Variants in ZFPM1 observed in about 807,000 individuals in gnomAD.
ZFPM1 encodes the protein zinc finger protein, FOG family member 1.
In ZFPM1, 28 loss-of-function variants were observed where a neutral mutation model predicts 46.3. The ratio of observed to expected loss-of-function variants is 0.60; its 90% CI spans 0.45 to 0.83. The LOEUF (loss-of-function observed/expected upper bound fraction) is 0.83. Among genes scored for constraint, ZFPM1 ranks in the 40% least tolerant of loss-of-function variants. The pLI, the probability that ZFPM1 is intolerant of heterozygous loss-of-function variation, is 0.00. For missense variants in ZFPM1, 1,878 were observed against 1,432.4 expected (o/e 1.31, Z -5.02); for synonymous variants, 957 against 675.9 (o/e 1.42, Z -6.45).
chr16:88,536,054 C>G lies in ZFPM1; in HGVS notation c.*1075C>G, dbSNP rs1271258058. 1 of 152,198 alleles carries G rather than the reference C, an allele frequency of 6.6e-6. No homozygotes were observed. Among genetic ancestry groups the G allele is most frequent in the Non-Finnish European group, 1.5e-5 (1 of 68,048 alleles). 9.4% of individuals were successfully genotyped at this position (152,198 alleles called of 1,614,324 possible). On this transcript the variant is annotated 3_prime_UTR_variant, in exon 10 of 10. Coordinates refer to ENST00000319555, the MANE Select transcript of ZFPM1 (RefSeq NM_153813.3). ...CATTGCAGCCTTGACCTCGTGAGCT[C>G]AAGTGATCTTCCCACCTCAGTTTCC...
At chr16:88,461,107 C>CTGGTGAGGACCAAGGGGCAGAAGGT in intron 1 of ZFPM1, among the ~76,000 whole-genome samples, 1 of 81,942 alleles carries the variant, frequency 1.2e-5, no homozygotes, top group African/African-American at 7.9e-5. Flanking sequence ...GGCAGGAGGC[C>CTGGTGAGGACCAAGGGGCAGAAGGT]CTGGTGAGGA....
Position 88,500,686 on chromosome 16 carries a change from C to T in ZFPM1, c.268+11533C>T, listed in dbSNP as rs985099854. 3.9e-5 allele frequency among the ~76,000 whole-genome samples: 6 copies of T among 152,246 alleles called. 1 individual carries two copies. Among genetic ancestry groups the T allele is most frequent in the African/African-American group, 7.2e-5 (3 of 41,464 alleles). On this transcript the variant is annotated intron_variant, in intron 3 of 9. Transcript: ENST00000319555. ...AGCTTCCAGGTGTCACCTCTCTCAC[C>T]GCAGACCTGGGGCCTGTTGTGCCCT...
At chr16:88,508,971 A>G (rs1449596350) in intron 3 of ZFPM1, among the ~76,000 whole-genome samples, 1 of 152,192 alleles carries the variant, frequency 6.6e-6, no homozygotes, top group African/African-American at 2.4e-5. Flanking sequence ...CATCGTGGAC[A>G]GAGGGGCCGG....
At chr16:88,485,579 A>G (rs954137573) in intron 1 of ZFPM1, among the ~76,000 whole-genome samples, 2 of 151,936 alleles carry the variant, frequency 1.3e-5, no homozygotes, top group African/African-American at 2.4e-5. Flanking sequence ...AGCTGGGACT[A>G]CAGGTGTGCG....
chr16:88,515,439 T>C (rs1220456360), intron 4 of ZFPM1, among the ~76,000 whole-genome samples: 1 of 152,236 alleles, frequency 6.6e-6, no homozygotes, highest in Non-Finnish European at 1.5e-5. Flanking sequence ...CCTCAGCCTT[T>C]GGGACCTTGG....
chr16:88,518,453 TGGTGGGTGGATG>T (rs922402902), intron 4 of ZFPM1, among the ~76,000 whole-genome samples: 2 of 146,992 alleles, frequency 1.4e-5, no homozygotes, highest in African/African-American at 5.1e-5. Context: ...GATAGATGGA[TGGTGGGTGGATG>T]GGTGGGTAGA....
rs974733355 is a variant in ZFPM1, at chr16:88,532,509, G to A, written c.947-105G>A. On this transcript the variant is annotated intron_variant, in intron 7 of 9. Transcript: ENST00000319555. ...GGGTTTAAAGACCCTTCAGCACAGG[G>A]TCCCCCGGCACAGATCACGGCCCTG... The A allele has an allele frequency of 1.3e-5, 16 of 1,221,742 alleles. No homozygotes were observed. The Admixed American group carries it at 3.2e-4, about 25-fold the overall frequency. The allele number at this position is 1,221,742 out of a possible 1,614,324, so 75.7% of individuals were successfully genotyped here. A position where few individuals can be genotyped will look rare whatever the true frequency, so the allele number is the denominator to read the frequency against.
intron 4 of ZFPM1, among the ~76,000 whole-genome samples, chr16:88,517,685 G>A (rs1185406467): frequency 6.7e-6 from 1 of 150,100 alleles, no homozygotes; most frequent in African/African-American, 2.4e-5. Context: ...TGGATGGATG[G>A]ATAGATGTAT....
chr16:88,480,905 G>T lies in ZFPM1; in HGVS notation c.41-5034G>T, dbSNP rs781524882. 6.6e-6 allele frequency among the ~76,000 whole-genome samples: 1 copy of T among 152,258 alleles called. No individual in the cohort carries two copies. The highest frequency in any genetic ancestry group is 1.5e-5 in the Non-Finnish European group (1 of 68,048). On this transcript the variant is annotated intron_variant, in intron 1 of 9. Transcript: ENST00000319555. This position sits in a 1 kb window ranked among gnomAD's most constrained non-coding sequence, Gnocchi z 4.9. ...CCCCCAGCGCCTCGCCATCAAAGCC[G>T]GGAGGGGCCACCTTAATCGTCGGTG...
intron 3 of ZFPM1, among the ~76,000 whole-genome samples, chr16:88,503,842 G>A (rs1159140786): frequency 1.3e-5 from 2 of 152,136 alleles, no homozygotes; most frequent in African/African-American, 4.8e-5. Flanking sequence ...CGAGGCCTCA[G>A]TCTCCCCCTG....
In ZFPM1 at chr16:88,528,071, C is replaced by T. The variant is rs1285270332; in HGVS notation, c.545C>T (p.Ala182Val). 3.8e-6 allele frequency: 6 copies of T among 1,563,294 alleles called. No individual in the cohort carries two copies. Among genetic ancestry groups the T allele is most frequent in the African/African-American group, 2.7e-5 (2 of 73,670 alleles). The stretch of plus-strand genomic sequence containing the variant: ...TGCAGGGTCACCAAGCCGGTGCCTG[C>T]GGGGGGACTCCTGAGCGTGCTCCTC... The part of the protein sequence containing the change: ...LWCRVTKPVP[A>V]GGLLSVLLTA... The change falls in exon 6 of 10, where the codon GCG (alanine) becomes GTG (valine). Residue 182 changes from alanine (A) to valine (V), a missense_variant. Physicochemically the swap from Ala to Val is moderately conservative, Grantham distance 64. Coordinates refer to ENST00000319555, the MANE Select transcript of ZFPM1 (RefSeq NM_153813.3).
At chr16:88,486,349 C>T (rs1909223194) in intron 2 of ZFPM1, among the ~76,000 whole-genome samples, 2 of 152,250 alleles carry the variant, frequency 1.3e-5, no homozygotes, top group Admixed American at 6.5e-5. Context: ...AATCCATGCC[C>T]CTCCCAGCCT....
chr16:88,518,787 G>A (rs1452354262), intron 4 of ZFPM1, among the ~76,000 whole-genome samples: 4 of 149,592 alleles, frequency 2.7e-5, no homozygotes, highest in Non-Finnish European at 5.9e-5. Flanking sequence ...TGGGTGGATG[G>A]GTGGATGCAT....
intron 1 of ZFPM1, among the ~76,000 whole-genome samples, chr16:88,482,259 C>G (rs1908980623): frequency 6.6e-6 from 1 of 151,884 alleles, no homozygotes; most frequent in South Asian, 2.1e-4. Flanking sequence ...TGGAGAGTCC[C>G]CACGGACCCC....
intron 4 of ZFPM1, among the ~76,000 whole-genome samples, chr16:88,522,934 G>C: frequency 6.6e-6 from 1 of 151,850 alleles, no homozygotes; most frequent in East Asian, 1.9e-4. Context: ...GGCCAGGCGC[G>C]GTGGTTCACG....
intron 3 of ZFPM1, among the ~76,000 whole-genome samples, chr16:88,502,089 T>C (rs1202990019): frequency 6.9e-6 from 1 of 143,888 alleles, no homozygotes; most frequent in Non-Finnish European, 1.5e-5. Context: ...TTTATTTATT[T>C]ATTTATTTAT....
intron 3 of ZFPM1, among the ~76,000 whole-genome samples, chr16:88,502,586 G>A (rs2142404518): frequency 6.6e-6 from 1 of 152,322 alleles, no homozygotes; most frequent in African/African-American, 2.4e-5. Context: ...TTCCCGTCCA[G>A]TGCTGCTGGA....
rs1913089202 is a variant in ZFPM1, at chr16:88,534,295, C to T, written c.2337C>T (p.Pro779=). 5 of 1,223,216 alleles carry T rather than the reference C, an allele frequency of 4.1e-6. No individual in the cohort carries two copies. The South Asian group carries it at 8.4e-5, about 21-fold the overall frequency. The allele number at this position is 1,223,216 out of a possible 1,614,324, so 75.8% of individuals were successfully genotyped here. ...CCGGAAGCGGAAGCGGAAGCGGCCC[C>T]GGCCTCGCCCCTGCGCGCTCGCCCG... ...PRPGSGSGSG[P]GLAPARSPGP... The change falls in exon 10 of 10, where the codon CCC becomes CCT. Residue 779 remains proline, a synonymous_variant. Transcript: ENST00000319555.
chr16:88,513,136 A>C (rs1911071938), intron 3 of ZFPM1: 3 of 152,230 alleles, frequency 2.0e-5, no homozygotes. Flanking sequence ...CCTAGTGGTC[A>C]GAGCCCTGGG....
Sources: allele counts gnomAD v4.1 joint callset (sites outside exome capture counted in the v4.1 genomes callset), GRCh38; gene constraint gnomAD v4.1.1; non-coding constraint Gnocchi (gnomAD v3.1); transcripts MANE v1.5; gene names NCBI Gene and HGNC (gene_info 2026-07-23, HGNC 2026-07-21).